TMEM181: variants seen among roughly 807,000 people sequenced by gnomAD.
TMEM181 encodes transmembrane protein 181.
A neutral mutation model predicts 71.9 loss-of-function variants in TMEM181; 39 were observed. The observed-to-expected ratio is 0.54, with a 90% CI of 0.42 to 0.71. The LOEUF (loss-of-function observed/expected upper bound fraction) is 0.71. TMEM181 is among the 30% of genes least tolerant of loss of function. TMEM181 has a pLI of 0.00. For missense variants in TMEM181, 595 were observed against 583.0 expected, an observed-to-expected ratio of 1.02 and a Z score of -0.21; for synonymous variants, 245 against 228.8, an observed-to-expected ratio of 1.07 and a Z score of -0.64.
chr6:158,628,786 G>A (rs1386826288), intron 14 of TMEM181, among the ~76,000 whole-genome samples: 3 of 152,204 alleles, frequency 2.0e-5, no homozygotes, highest in East Asian at 1.9e-4. Context: ...GCGTGCCCAC[G>A]CCACGCTGCT....
intron 10 of TMEM181, chr6:158,611,299 TCTC>T (rs1458312759): frequency 8.0e-6 from 4 of 501,190 alleles, no homozygotes; most frequent in Non-Finnish European, 1.6e-5. Flanking sequence ...AGCTGGTCCT[TCTC>T]CACAACTGGG....
intron 1 of TMEM181, among the ~76,000 whole-genome samples, chr6:158,570,537 G>A (rs745601307): frequency 8.6e-5 from 13 of 151,956 alleles, no homozygotes; most frequent in Non-Finnish European, 1.3e-4. Context: ...CACTGCGCCC[G>A]GCCCCGTACA....
intron 2 of TMEM181, among the ~76,000 whole-genome samples, chr6:158,575,380 G>A (rs1783099403): frequency 6.6e-6 from 1 of 151,714 alleles, no homozygotes; most frequent in South Asian, 2.1e-4. Context: ...CCAGGCTAGA[G>A]TGCAGTGGTG....
At chr6:158,562,118 C>T (rs1002961272) in intron 1 of TMEM181, among the ~76,000 whole-genome samples, 2 of 152,160 alleles carry the variant, frequency 1.3e-5, no homozygotes, top group African/African-American at 4.8e-5. Context: ...GGGACCGTCC[C>T]CCTGCAGACC....
chr6:158,536,882 C>T, intron 1 of TMEM181: 2 of 1,336,770 alleles, frequency 1.5e-6, no homozygotes, highest in Non-Finnish European at 1.9e-6. Context: ...GCGGCGCGGG[C>T]AGCGGCGGGG....
intron 10 of TMEM181, chr6:158,610,287 A>G (rs1483727433): frequency 6.9e-6 from 2 of 288,286 alleles, no homozygotes; most frequent in South Asian, 5.6e-5. Flanking sequence ...AACATGGAAA[A>G]TGAGGGTGAC....
Position 158,608,659 on chromosome 6 carries a change from G to A in TMEM181, c.805G>A (p.Gly269Arg). The A allele has an allele frequency of 1.9e-6, 3 of 1,599,506 alleles. No homozygotes were observed. The South Asian group carries it at 3.4e-5, about 18-fold the overall frequency. ...TTACTTCTTATTTTTTTCTTTTTAG[G>A]GAGAAAGAAAGTGTTTAACTTTCTA... ...LCVYHGIRVQ[G>R]ERKCLTFYLP... is the part of the protein sequence containing the mutation. Residue 269 changes from glycine (G) to arginine (R), a missense_variant and splice_region_variant, in exon 10 of 17, where the codon GGA (glycine) becomes AGA (arginine). Gly to Arg is a moderately radical substitution (Grantham distance 125). Transcript: ENST00000684151.
chr6:158,536,821 G>A (rs759762331), exon 1 of TMEM181: 9 of 1,553,578 alleles, frequency 5.8e-6, no homozygotes, highest in South Asian at 3.5e-5. Flanking sequence ...CGTACCGCGA[G>A]CTCAAGGAGG....
intron 1 of TMEM181, among the ~76,000 whole-genome samples, chr6:158,550,508 T>C (rs1386494196): frequency 6.6e-6 from 1 of 151,460 alleles, no homozygotes; most frequent in African/African-American, 2.4e-5. Context: ...ATAGAAAAAT[T>C]AGCTGGGCGT....
chr6:158,592,694 C>T (rs931053675), intron 6 of TMEM181, among the ~76,000 whole-genome samples: 6 of 152,080 alleles, frequency 3.9e-5, no homozygotes, highest in African/African-American at 1.4e-4. Flanking sequence ...CCACGTTGGC[C>T]AGGCTAGTTT....
intron 15 of TMEM181, among the ~76,000 whole-genome samples, chr6:158,630,460 C>T (rs1432409834): frequency 3.9e-5 from 6 of 151,992 alleles, no homozygotes; most frequent in Non-Finnish European, 8.8e-5. Context: ...CCACTACACT[C>T]CAACCTCGGT....
At chr6:158,565,551 C>A (rs1203580622) in intron 1 of TMEM181, among the ~76,000 whole-genome samples, 1 of 152,128 alleles carries the variant, frequency 6.6e-6, no homozygotes, top group East Asian at 1.9e-4. Flanking sequence ...GGAGAAAGTT[C>A]AATGTTGCAA....
Position 158,544,182 on chromosome 6 carries a change from A to AGTGTGTGTGTGTGTGT in TMEM181, c.131+7338_131+7353dup, listed in dbSNP as rs34605570. ...GGTTTCTCAGGTGCAAATTGGAGAGAGTGTGTGTGTGTGTGTGTGTGTGTG... is the reference window on the plus strand; with the variant it reads ...GGTTTCTCAGGTGCAAATTGGAGAGAGTGTGTGTGTGTGTGTGTGTGTGTGTGTGTGTGTGTGTGTG... On this transcript the variant is annotated intron_variant, in intron 1 of 16. Coordinates refer to the TMEM181 transcript ENST00000367090. Among the ~76,000 whole-genome samples the AGTGTGTGTGTGTGTGT allele has an allele frequency of 1.9e-3, 244 of 127,630 alleles. 1 individual carries two copies. Among genetic ancestry groups the AGTGTGTGTGTGTGTGT allele is most frequent in the African/African-American group, 6.5e-3 (214 of 32,932 alleles). The allele number at this position is 127,630 out of a possible 152,430, so 83.7% of individuals were successfully genotyped here.
chr6:158,627,069 T>G (rs1272717658), intron 13 of TMEM181, among the ~76,000 whole-genome samples: 5 of 137,316 alleles, frequency 3.6e-5, no homozygotes, highest in Non-Finnish European at 7.8e-5. Context: ...CCTCACACCT[T>G]CACTGACACA....
chr6:158,591,948 G>A (rs1398644883), intron 6 of TMEM181, among the ~76,000 whole-genome samples: 2 of 152,176 alleles, frequency 1.3e-5, no homozygotes, highest in Non-Finnish European at 2.9e-5. Flanking sequence ...GCTGATGGAA[G>A]GCAAGTGATA....
intron 2 of TMEM181, among the ~76,000 whole-genome samples, chr6:158,579,989 G>T (rs1170464183): frequency 6.6e-6 from 1 of 152,116 alleles, no homozygotes; most frequent in African/African-American, 2.4e-5. Flanking sequence ...GGCAGTGATG[G>T]TTGCACAGTA....
chr6:158,546,821 G>A (rs977850202), intron 1 of TMEM181, among the ~76,000 whole-genome samples: 5 of 152,216 alleles, frequency 3.3e-5, no homozygotes, highest in East Asian at 3.9e-4. Context: ...TTAGCAGGGC[G>A]TGGTGGTGGG....
intron 14 of TMEM181, among the ~76,000 whole-genome samples, 170 bp downstream of exon 14, chr6:158,628,660 G>C (rs1208879508): frequency 2.0e-5 from 3 of 152,224 alleles, no homozygotes; most frequent in African/African-American, 7.2e-5. Flanking sequence ...CTGCAGCCGT[G>C]GGAAGGGGCA....
intron 10 of TMEM181, among the ~76,000 whole-genome samples, chr6:158,614,922 G>T (rs550608513): frequency 6.6e-6 from 1 of 152,124 alleles, no homozygotes; most frequent in Non-Finnish European, 1.5e-5. Flanking sequence ...AGTCTTTGCT[G>T]TTGGGAATAG....
Sources: gnomAD v4.1 joint callset for allele counts (sites outside exome capture counted in the v4.1 genomes callset) on GRCh38, gnomAD v4.1.1 for gene constraint, MANE v1.5 for transcripts, NCBI Gene and HGNC (gene_info 2026-07-23, HGNC 2026-07-21) for gene names.